Variants in COL19A1 observed in about 807,000 individuals in gnomAD.
The protein encoded by COL19A1 is collagen type XIX alpha 1 chain.
A neutral mutation model predicts 190.2 loss-of-function variants in COL19A1; 159 were observed. The ratio of observed to expected loss-of-function variants is 0.84; its 90% CI spans 0.73 to 0.95. The LOEUF (loss-of-function observed/expected upper bound fraction) is 0.95. COL19A1 is among the 40% of genes least tolerant of loss of function. COL19A1 has a pLI of 0.00. For missense variants in COL19A1, 1,418 were observed against 1,431.9 expected (o/e 0.99, Z 0.16); for synonymous variants, 509 against 458.9 (o/e 1.11, Z -1.39).
chr6:70,005,844 G>A (rs1189129396), intron 11 of COL19A1, among the ~76,000 whole-genome samples: 6 of 152,090 alleles, frequency 3.9e-5, no homozygotes, highest in East Asian at 3.9e-4. Flanking sequence ...GTTCTGTCCC[G>A]GAGCCTCTGG....
rs201841023 is a variant in COL19A1, at chr6:70,144,197, C to T, written c.1627-13C>T. On this transcript the variant is annotated splice_polypyrimidine_tract_variant and intron_variant, in intron 23 of 50. Coordinates refer to ENST00000620364, the MANE Select transcript of COL19A1 (RefSeq NM_001858.6). The stretch of plus-strand genomic sequence containing the variant: ...TTCTCATTACTCTTTCCTATTAACT[C>T]TGAGTTTTCTAGGGATTGCCAGGAG... The T allele has an allele frequency of 2.8e-3, 4,456 of 1,609,776 alleles. 10 individuals are homozygous for T. Among genetic ancestry groups the T allele is most frequent in the Non-Finnish European group, 3.5e-3 (4,103 of 1,176,972 alleles).
chr6:70,089,753 G>A (rs909583046), intron 15 of COL19A1, among the ~76,000 whole-genome samples: 4 of 152,078 alleles, frequency 2.6e-5, no homozygotes, highest in Non-Finnish European at 5.9e-5. Flanking sequence ...TTGAGTACAA[G>A]TTCATTAAAT....
chr6:69,937,913 C>G, intron 8 of COL19A1, 125 bp from the exon 9 acceptor site: 1 of 830,532 alleles, frequency 1.2e-6, no homozygotes, highest in East Asian at 2.7e-5. Context: ...ATTCCTCACT[C>G]TAAGCATCAG....
At chr6:70,079,727 G>A (rs533464075) in intron 15 of COL19A1, among the ~76,000 whole-genome samples, 88 of 152,274 alleles carry the variant, frequency 5.8e-4, no homozygotes, top group African/African-American at 1.8e-3. Flanking sequence ...GACACTGCAC[G>A]GATCTCAAGA....
At chr6:70,175,002 T>A (rs1472855848) in intron 41 of COL19A1, among the ~76,000 whole-genome samples, 1 of 152,204 alleles carries the variant, frequency 6.6e-6, no homozygotes, top group African/African-American at 2.4e-5. Flanking sequence ...TCGAGAATAG[T>A]GGTTAAGGAA....
chr6:70,046,064 A>C (rs909548154), intron 14 of COL19A1, among the ~76,000 whole-genome samples: 1 of 152,148 alleles, frequency 6.6e-6, no homozygotes, highest in Admixed American at 6.5e-5. Context: ...CCATTTTTGT[A>C]ATACAATGCT....
intron 1 of COL19A1, among the ~76,000 whole-genome samples, chr6:69,874,196 A>G (rs11752293): frequency 0.1 from 15,835 of 152,204 alleles, 1,048 homozygotes; most frequent in Middle Eastern, 0.3. Context: ...GTGTCAGGGA[A>G]TGGTGAGAGG....
chr6:69,956,420 G>T (rs1215499511), intron 9 of COL19A1, among the ~76,000 whole-genome samples: 1 of 151,550 alleles, frequency 6.6e-6, no homozygotes, highest in African/African-American at 2.4e-5. Flanking sequence ...TTATTTCTTA[G>T]AATGAAGTCC....
chr6:69,946,788 C>A (rs184506374), intron 9 of COL19A1, among the ~76,000 whole-genome samples: 1 of 151,790 alleles, frequency 6.6e-6, no homozygotes, highest in African/African-American at 2.4e-5. Flanking sequence ...ACTCTTTGAT[C>A]AAAATTTATG....
intron 42 of COL19A1, 100 bp from the exon 43 acceptor site, chr6:70,180,212 T>C: frequency 7.4e-7 from 1 of 1,357,740 alleles, no homozygotes; most frequent in Non-Finnish European, 1.0e-6. Context: ...AGCATCACCC[T>C]TGGGAGCACT....
intron 4 of COL19A1, among the ~76,000 whole-genome samples, chr6:69,924,661 A>C (rs971886641): frequency 1.3e-5 from 2 of 152,146 alleles, no homozygotes; most frequent in Non-Finnish European, 2.9e-5. Flanking sequence ...GAATCGCCAC[A>C]CTCTCTTCCA....
intron 11 of COL19A1, among the ~76,000 whole-genome samples, chr6:69,993,556 A>G (rs1007743352): frequency 6.6e-6 from 1 of 151,244 alleles, no homozygotes; most frequent in Non-Finnish European, 1.5e-5. Context: ...TTATTTGTCT[A>G]GTAGAATTGG....
intron 48 of COL19A1, among the ~76,000 whole-genome samples, chr6:70,198,446 GAAAA>G (rs1359696484): frequency 6.6e-6 from 1 of 152,102 alleles, no homozygotes; most frequent in Non-Finnish European, 1.5e-5. Context: ...AAAAGAAAAA[GAAAA>G]AACAATGCGA....
rs547987001 is a variant in COL19A1, at chr6:69,873,281, G to A, written c.-32-6255G>A. ...AAAAAAAAACGATCCTTAATCCCCC[G>A]CAGCATCTAACAGACCCTGTCGTTG... is the stretch of plus-strand genomic sequence containing the variant. On this transcript the variant is annotated intron_variant, in intron 1 of 50. Coordinates refer to ENST00000620364, the MANE Select transcript of COL19A1 (RefSeq NM_001858.6). Among the ~76,000 whole-genome samples, 11 of 151,116 alleles carry A rather than the reference G, an allele frequency of 7.3e-5. No homozygotes were observed. The South Asian group carries it at 1.3e-3, about 17-fold the overall frequency.
At chr6:70,095,029 T>G (rs1397837349) in intron 15 of COL19A1, among the ~76,000 whole-genome samples, 1 of 152,186 alleles carries the variant, frequency 6.6e-6, no homozygotes, top group African/African-American at 2.4e-5. Context: ...CAACAGAACA[T>G]CATCACCCCA....
At chr6:70,156,850 T>C in intron 34 of COL19A1, 127 bp downstream of exon 34, 1 of 570,192 alleles carries the variant, frequency 1.8e-6, no homozygotes, top group Non-Finnish European at 2.9e-6. Context: ...AAAGACCACT[T>C]AGAGCTTTTA....
At chr6:70,003,969 T>C (rs1777449342) in intron 11 of COL19A1, among the ~76,000 whole-genome samples, 2 of 152,166 alleles carry the variant, frequency 1.3e-5, no homozygotes, top group South Asian at 4.1e-4. Context: ...CATAGTGTCA[T>C]TGGTCTTTAT....
intron 49 of COL19A1, among the ~76,000 whole-genome samples, chr6:70,204,544 A>G (rs894104233): frequency 6.6e-6 from 1 of 152,222 alleles, no homozygotes; most frequent in African/African-American, 2.4e-5. Flanking sequence ...TACCTTATGC[A>G]AATACACGAA....
chr6:69,946,818 T>A (rs187688861), intron 9 of COL19A1, among the ~76,000 whole-genome samples: 1 of 151,992 alleles, frequency 6.6e-6, no homozygotes, highest in East Asian at 1.9e-4. Context: ...TAAAGCTGTA[T>A]CAGATAGGAT....
Sources: allele counts gnomAD v4.1 joint callset (sites outside exome capture counted in the v4.1 genomes callset), GRCh38; gene constraint gnomAD v4.1.1; transcripts MANE v1.5; gene names NCBI Gene and HGNC (gene_info 2026-07-23, HGNC 2026-07-21).